The following SNTG2 variants were observed in gnomAD, a reference collection of about 807,000 sequenced individuals.
SNTG2 encodes gamma-2-syntrophin.
In SNTG2, 74 loss-of-function variants were observed where a neutral mutation model predicts 70.9. The observed-to-expected ratio is 1.04, with a 90% CI of 0.86 to 1.27. SNTG2 has a LOEUF of 1.27. Among genes scored for constraint, SNTG2 ranks in the 50% most tolerant of loss-of-function variants. The pLI is 0.00. For missense variants in SNTG2, 717 were observed against 690.7 expected, an observed-to-expected ratio of 1.04 and a Z score of -0.43; for synonymous variants, 278 against 273.8, an observed-to-expected ratio of 1.02 and a Z score of -0.15.
chr2:1,131,937 A>G (rs934556141), intron 4 of SNTG2, among the ~76,000 whole-genome samples: 4 of 152,188 alleles, frequency 2.6e-5, no homozygotes, highest in African/African-American at 9.6e-5. Context: ...GGCGTGAGCC[A>G]CCGCACCTGG....
At chr2:1,275,478 C>T (rs79403375) in intron 14 of SNTG2, among the ~76,000 whole-genome samples, 211 of 152,266 alleles carry the variant, frequency 1.4e-3, no homozygotes, top group Non-Finnish European at 2.1e-3. Context: ...GATATGTGTT[C>T]AGTTTTTGTT....
intron 11 of SNTG2, among the ~76,000 whole-genome samples, chr2:1,245,037 C>T (rs28559693): frequency 0.21 from 30,590 of 148,310 alleles, 4,231 homozygotes; most frequent in African/African-American, 0.39. Context: ...AACCAAACAC[C>T]GCATGTTCTC....
chr2:1,274,529 C>T (rs1258525575), intron 14 of SNTG2, among the ~76,000 whole-genome samples: 3 of 152,174 alleles, frequency 2.0e-5, no homozygotes, highest in Non-Finnish European at 2.9e-5. Context: ...GTTTTTCTTT[C>T]ACGGATTGTG....
chr2:1,070,567 A>G (rs1269523503), intron 1 of SNTG2, among the ~76,000 whole-genome samples: 1 of 152,232 alleles, frequency 6.6e-6, no homozygotes, highest in African/African-American at 2.4e-5. Flanking sequence ...TCCGGCTCAC[A>G]AAAGCTAAAT....
intron 1 of SNTG2, among the ~76,000 whole-genome samples, chr2:1,040,590 C>T (rs1050869462): frequency 1.3e-5 from 2 of 152,212 alleles, no homozygotes; most frequent in African/African-American, 4.8e-5. Context: ...CATTGATCTA[C>T]CAAACACATT....
chr2:1,336,882 G>A (rs933854615), intron 16 of SNTG2, among the ~76,000 whole-genome samples: 20 of 152,002 alleles, frequency 1.3e-4, no homozygotes, highest in African/African-American at 3.6e-4. Flanking sequence ...TTTGAAGTTG[G>A]GTAGTGCAGT....
At chr2:1,070,089 C>T (rs1220518034) in intron 1 of SNTG2, among the ~76,000 whole-genome samples, 3 of 152,058 alleles carry the variant, frequency 2.0e-5, no homozygotes, top group African/African-American at 7.2e-5. Context: ...TTTTGCGAAA[C>T]CATCGGTGCC....
intron 1 of SNTG2, among the ~76,000 whole-genome samples, chr2:952,599 G>A (rs1443997119): frequency 1.3e-5 from 2 of 152,132 alleles, no homozygotes; most frequent in South Asian, 4.1e-4. Context: ...TGTGATTGGC[G>A]CTTTCTTTCT....
At chr2:1,331,802 T>C (rs1433968060) in intron 16 of SNTG2, among the ~76,000 whole-genome samples, 1 of 152,236 alleles carries the variant, frequency 6.6e-6, no homozygotes, top group Non-Finnish European at 1.5e-5. Context: ...GATAATCAGA[T>C]GTCTCAATGG....
chr2:1,152,072 C>T (rs911763222), intron 6 of SNTG2, among the ~76,000 whole-genome samples: 2 of 152,102 alleles, frequency 1.3e-5, no homozygotes, highest in Non-Finnish European at 2.9e-5. Flanking sequence ...TTTTGTTTTA[C>T]ACATCATGTG....
intron 8 of SNTG2, among the ~76,000 whole-genome samples, chr2:1,194,464 T>C (rs1323528937): frequency 6.6e-6 from 1 of 152,122 alleles, no homozygotes; most frequent in Non-Finnish European, 1.5e-5. Context: ...CACCTAAAGA[T>C]TTCAGATTTC....
At chr2:1,242,848 A>AC (rs1677138951) in intron 11 of SNTG2, 1 of 152,242 alleles carries the variant, frequency 6.6e-6, no homozygotes, top group Non-Finnish European at 1.5e-5. Context: ...ATCAGAAAAG[A>AC]TAAAAAATAT....
intron 1 of SNTG2, among the ~76,000 whole-genome samples, chr2:1,011,504 T>A (rs1008356780): frequency 1.3e-5 from 2 of 152,252 alleles, no homozygotes. Context: ...TTCAGATTTT[T>A]AAATCATACC....
At chr2:1,038,209 G>C (rs902148282) in intron 1 of SNTG2, among the ~76,000 whole-genome samples, 2 of 152,070 alleles carry the variant, frequency 1.3e-5, no homozygotes, top group African/African-American at 2.4e-5. Flanking sequence ...TTTCATACTT[G>C]GTTTTCTTTT....
chr2:1,207,203 G>C (rs910055147), intron 8 of SNTG2, among the ~76,000 whole-genome samples: 3 of 152,202 alleles, frequency 2.0e-5, no homozygotes, highest in African/African-American at 4.8e-5. Flanking sequence ...AGGTATTTCA[G>C]TGTCATTCTC....
chr2:1,216,104 G>A (rs924809571), intron 9 of SNTG2, among the ~76,000 whole-genome samples: 8 of 152,274 alleles, frequency 5.3e-5, no homozygotes, highest in African/African-American at 1.7e-4. Flanking sequence ...GCTATTTCTA[G>A]TTCTAGATCC....
At chr2:986,163 AT>A (rs1324406731) in intron 1 of SNTG2, among the ~76,000 whole-genome samples, 25 of 149,910 alleles carry the variant, frequency 1.7e-4, no homozygotes, top group Admixed American at 6.6e-4. Context: ...ACAGTCTTGC[AT>A]GGGGGGCTGG....
intron 1 of SNTG2, among the ~76,000 whole-genome samples, chr2:997,366 A>G (rs1243619922): frequency 1.3e-5 from 2 of 152,208 alleles, no homozygotes; most frequent in East Asian, 3.9e-4. Context: ...CATGATTTCC[A>G]GACTGTTGAC....
intron 14 of SNTG2, among the ~76,000 whole-genome samples, chr2:1,300,663 G>A (rs991962472): frequency 1.3e-5 from 2 of 152,140 alleles, no homozygotes; most frequent in African/African-American, 4.8e-5. Flanking sequence ...TTAATGAACA[G>A]AATCGCTTCT....
Sources: gnomAD v4.1 joint callset for allele counts (sites outside exome capture counted in the v4.1 genomes callset) on GRCh38, gnomAD v4.1.1 for gene constraint, MANE v1.5 for transcripts, NCBI Gene and HGNC (gene_info 2026-07-23, HGNC 2026-07-21) for gene names.